Variants in ARMH4 observed in about 807,000 individuals in gnomAD.
ARMH4 encodes the protein armadillo like helical domain containing 4, also known as armadillo-like helical domain-containing protein 4.
A neutral mutation model predicts 61.9 loss-of-function variants in ARMH4; 49 were observed. That is an observed-to-expected ratio of 0.79 (90% confidence interval 0.63 to 1.00). The LOEUF is 1.00. Ranked by LOEUF, ARMH4 falls within the 50% of genes least tolerant of loss-of-function variation. ARMH4 has a pLI of 0.00. For missense variants in ARMH4, 934 were observed against 930.0 expected (o/e 1.00, Z -0.06); for synonymous variants, 368 against 341.5 (o/e 1.08, Z -0.85).
chr14:58,020,832 T>C (rs1265025956), intron 5 of ARMH4, among the ~76,000 whole-genome samples: 1 of 152,152 alleles, frequency 6.6e-6, no homozygotes, highest in Non-Finnish European at 1.5e-5. Context: ...TTATAAGGCG[T>C]TGGCTCATGT....
At chr14:58,109,764 A>T (rs72716914) in intron 4 of ARMH4, among the ~76,000 whole-genome samples, 5,889 of 152,246 alleles carry the variant, frequency 0.039, 150 homozygotes, top group African/African-American at 0.072. Flanking sequence ...TTGTTTTTAT[A>T]GCTGTATTAG....
intron 5 of ARMH4, among the ~76,000 whole-genome samples, chr14:58,062,880 T>C (rs1884576718): frequency 6.6e-6 from 1 of 152,160 alleles, no homozygotes; most frequent in African/African-American, 2.4e-5. Context: ...CTAGCCAATT[T>C]GCAGCTTGGC....
chr14:58,059,850 T>C (rs1198784943), intron 5 of ARMH4, among the ~76,000 whole-genome samples: 1 of 152,222 alleles, frequency 6.6e-6, no homozygotes, highest in Non-Finnish European at 1.5e-5. Flanking sequence ...AGACACTGCG[T>C]TATATGTGAG....
chr14:58,128,362 A>T lies in ARMH4; in HGVS notation c.1831+3150T>A, dbSNP rs531861621. On this transcript the variant is annotated intron_variant, in intron 4 of 7. Transcript: ENST00000267485. ...AAAAATTAATTTATGCAGTTATAAAATATGTATAAAATTTGTCATTATCCC... is the reference window on the plus strand; with the variant it reads ...AAAAATTAATTTATGCAGTTATAAATTATGTATAAAATTTGTCATTATCCC... Among the ~76,000 whole-genome samples, 326 of 152,334 alleles carry T rather than the reference A, an allele frequency of 2.1e-3. 2 individuals carry two copies. The highest frequency in any genetic ancestry group is 3.7e-3 in the Non-Finnish European group (249 of 68,032).
chr14:58,119,950 A>T lies in ARMH4; in HGVS notation c.1831+11562T>A, dbSNP rs1378426857. On this transcript the variant is annotated intron_variant, in intron 4 of 7. Coordinates refer to ENST00000267485, the MANE Select transcript of ARMH4 (RefSeq NM_001001872.4). Reference sequence around the variant, plus strand: ...GTTTGTTCCCACTCATTTTTCTACAATTATCAATAAAATTATAAATATACA... The same window carrying T: ...GTTTGTTCCCACTCATTTTTCTACATTTATCAATAAAATTATAAATATACA... 3.9e-5 allele frequency among the ~76,000 whole-genome samples: 6 copies of T among 152,008 alleles called. No homozygotes were observed. In the East Asian group the frequency reaches 1.2e-3, roughly 29 times the overall value.
At chr14:58,063,147 C>G (rs1382852805) in intron 5 of ARMH4, among the ~76,000 whole-genome samples, 1 of 152,138 alleles carries the variant, frequency 6.6e-6, no homozygotes, top group Admixed American at 6.6e-5. Context: ...CTTCGGGGAA[C>G]ATAACTCCAA....
intron 5 of ARMH4, among the ~76,000 whole-genome samples, chr14:58,095,319 C>T (rs1885713177): frequency 1.3e-5 from 2 of 152,122 alleles, no homozygotes; most frequent in Admixed American, 1.3e-4. Context: ...GTGCACAACC[C>T]GAGGAGTCAC....
At chr14:58,086,351 G>A (rs1171962746) in intron 5 of ARMH4, among the ~76,000 whole-genome samples, 6 of 152,128 alleles carry the variant, frequency 3.9e-5, no homozygotes, top group Admixed American at 3.3e-4. Context: ...TGACCAGAAA[G>A]CAGGCTATAG....
At chr14:58,042,675 C>CTCA (rs1883770601) in intron 5 of ARMH4, among the ~76,000 whole-genome samples, 1 of 151,932 alleles carries the variant, frequency 6.6e-6, no homozygotes, top group South Asian at 2.1e-4. Context: ...GTTTTTTGAA[C>CTCA]ATATCAACAA....
chr14:58,058,870 C>A (rs1884435430), intron 5 of ARMH4, among the ~76,000 whole-genome samples: 1 of 152,286 alleles, frequency 6.6e-6, no homozygotes, highest in Non-Finnish European at 1.5e-5. Context: ...ATAATTGCCC[C>A]AGAATGAAAA....
chr14:58,013,615 A>G (rs1243874031), intron 5 of ARMH4, among the ~76,000 whole-genome samples: 2 of 152,208 alleles, frequency 1.3e-5, no homozygotes, highest in East Asian at 1.9e-4. Context: ...AGCATGCCAC[A>G]TGCATTGCAT....
At chr14:58,010,441 G>A (rs957022760) in intron 6 of ARMH4, among the ~76,000 whole-genome samples, 1 of 152,076 alleles carries the variant, frequency 6.6e-6, no homozygotes, top group Non-Finnish European at 1.5e-5. Flanking sequence ...AAGATTTAAA[G>A]AGTTCCTCCA....
chr14:58,110,476 A>C (rs1594762772), intron 4 of ARMH4, among the ~76,000 whole-genome samples: 1 of 152,282 alleles, frequency 6.6e-6, no homozygotes, highest in South Asian at 2.1e-4. Flanking sequence ...CTAAAGGTTA[A>C]AAATTTCCCA....
chr14:58,039,128 G>A (rs1883594347), intron 5 of ARMH4, among the ~76,000 whole-genome samples: 1 of 152,192 alleles, frequency 6.6e-6, no homozygotes, highest in Non-Finnish European at 1.5e-5. Flanking sequence ...CCTCAAGTGG[G>A]CCACTTCGGC....
At position 58,138,137 on chromosome 14, in the gene ARMH4, T is replaced by C. The variant is rs766011487; in HGVS notation, c.1222A>G (p.Lys408Glu). 2 of 1,614,190 alleles carry C rather than the reference T, an allele frequency of 1.2e-6. No homozygotes were observed. The highest frequency in any genetic ancestry group is 1.1e-5 in the South Asian group (1 of 91,080). Residue 408 changes from lysine to glutamate, a missense_variant, in exon 2 of 8, where the codon AAA becomes GAA. Lys to Glu is a moderately conservative substitution (Grantham distance 56). Transcript: ENST00000267485. ...FTPTSLMEDM[K>E]VSIVNLLQST... ...TGGAGCAAGTTCACAATGGAAACTT[T>C]CATGTCTTCCATCAGACTTGTGGGG...
chr14:58,032,189 T>C (rs1883265920), intron 5 of ARMH4, among the ~76,000 whole-genome samples: 1 of 152,106 alleles, frequency 6.6e-6, no homozygotes, highest in Admixed American at 6.5e-5. Context: ...AGATGAGACT[T>C]ATGTGTTTTG....
chr14:58,062,775 G>C (rs1328124262), intron 5 of ARMH4, among the ~76,000 whole-genome samples: 1 of 152,220 alleles, frequency 6.6e-6, no homozygotes, highest in African/African-American at 2.4e-5. Flanking sequence ...CAGAGTCTGG[G>C]CTTGAATGCA....
At chr14:58,105,002 C>T (rs912047268) in intron 4 of ARMH4, among the ~76,000 whole-genome samples, 2 of 152,222 alleles carry the variant, frequency 1.3e-5, no homozygotes, top group African/African-American at 4.8e-5. Context: ...AACCAGAGTT[C>T]ATCTTCTATT....
intron 5 of ARMH4, among the ~76,000 whole-genome samples, chr14:58,050,413 T>A (rs1025273749): frequency 6.6e-6 from 1 of 152,194 alleles, no homozygotes; most frequent in Non-Finnish European, 1.5e-5. Flanking sequence ...CCTTCCTCTC[T>A]CTCTACCCAT....
Sources: gnomAD v4.1 joint callset for allele counts (sites outside exome capture counted in the v4.1 genomes callset) on GRCh38, gnomAD v4.1.1 for gene constraint, MANE v1.5 for transcripts, NCBI Gene and HGNC (gene_info 2026-07-23, HGNC 2026-07-21) for gene names.